The following IL23R variants were observed in gnomAD, a reference collection of about 807,000 sequenced individuals.
IL23R encodes interleukin-23 receptor.
A neutral mutation model predicts 56.9 loss-of-function variants in IL23R; 34 were observed. The ratio of observed to expected loss-of-function variants is 0.60; its 90% CI spans 0.45 to 0.80. The LOEUF (loss-of-function observed/expected upper bound fraction) is 0.80, where lower values mean the gene tolerates loss of function less well. IL23R is among the 30% of genes least tolerant of loss of function. The pLI, the probability that IL23R is intolerant of heterozygous loss-of-function variation, is 0.00. For synonymous variants in IL23R, 230 were observed against 249.2 expected (o/e 0.92, Z 0.73); for missense variants, 635 against 730.0 (o/e 0.87, Z 1.50).
intron 1 of IL23R, among the ~76,000 whole-genome samples, chr1:67,151,665 A>G (rs1264908542): frequency 1.3e-5 from 2 of 152,180 alleles, no homozygotes; most frequent in Non-Finnish European, 2.9e-5. Context: ...AATTTTCTGT[A>G]TATGGCTAGC....
rs74876961 is a variant in IL23R, at chr1:67,216,359, A to C, written c.799-3215A>C. ...TTACTATTATTATTATTATTTGTCT[A>C]ATGGTGTCCAACTTTAGTGACAGAG... On this transcript the variant is annotated intron_variant, in intron 6 of 10. Coordinates refer to ENST00000347310, the MANE Select transcript of IL23R (RefSeq NM_144701.3). 7.9e-3 allele frequency among the ~76,000 whole-genome samples: 1,208 copies of C among 152,254 alleles called. 9 individuals carry two copies. Among genetic ancestry groups the C allele is most frequent in the African/African-American group, 0.028 (1,171 of 41,534 alleles).
At chr1:67,210,416 T>A (rs1649374773) in intron 6 of IL23R, among the ~76,000 whole-genome samples, 1 of 152,098 alleles carries the variant, frequency 6.6e-6, no homozygotes, top group Non-Finnish European at 1.5e-5. Flanking sequence ...TTAGTCCAAA[T>A]AATTAAGAAA....
intron 6 of IL23R, among the ~76,000 whole-genome samples, chr1:67,218,145 A>T (rs912809613): frequency 6.6e-6 from 1 of 151,950 alleles, no homozygotes; most frequent in Non-Finnish European, 1.5e-5. Context: ...ATTACGTTTT[A>T]TAGCAGGGTG....
intron 9 of IL23R, among the ~76,000 whole-genome samples, chr1:67,241,728 A>G (rs898388283): frequency 1.3e-5 from 2 of 152,202 alleles, no homozygotes; most frequent in Admixed American, 1.3e-4. Context: ...CTTTGAGAGA[A>G]TACAGCATAC....
At chr1:67,150,042 C>T (rs1476785512) in intron 1 of IL23R, among the ~76,000 whole-genome samples, 1 of 152,116 alleles carries the variant, frequency 6.6e-6, no homozygotes, top group Admixed American at 6.5e-5. Context: ...TAGGAATTTT[C>T]TGGGCTCAAT....
chr1:67,258,566 C>G lies in IL23R; in HGVS notation c.1328C>G (p.Pro443Arg). ...MITEIKEIFI[P>R]EHKPTDYKKE... ...ACAGAGATAAAAGAAATCTTCATCCCAGAACACAAGCCTACAGACTACAAG... is the reference window on the plus strand; with the variant it reads ...ACAGAGATAAAAGAAATCTTCATCCGAGAACACAAGCCTACAGACTACAAG... The change falls in exon 11 of 11, where the codon CCA becomes CGA. Residue 443 changes from proline (P) to arginine (R), a missense_variant. Coordinates refer to ENST00000347310, the MANE Select transcript of IL23R (RefSeq NM_144701.3). 6.2e-7 allele frequency: 1 copy of G among 1,611,408 alleles called. No homozygotes were observed. Among genetic ancestry groups the G allele is most frequent in the East Asian group, 2.2e-5 (1 of 44,860 alleles).
intron 1 of IL23R, among the ~76,000 whole-genome samples, chr1:67,143,189 G>A (rs775805503): frequency 2.4e-4 from 37 of 152,078 alleles, no homozygotes; most frequent in Non-Finnish European, 3.1e-4. Context: ...TTTACAAGTG[G>A]CTAAGAAAAA....
At chr1:67,144,849 G>A (rs1440780490) in intron 1 of IL23R, among the ~76,000 whole-genome samples, 2 of 151,968 alleles carry the variant, frequency 1.3e-5, no homozygotes, top group African/African-American at 4.8e-5. Flanking sequence ...ATAATTCCTG[G>A]ATTAATATTT....
upstream of IL23R, among the ~76,000 whole-genome samples, chr1:67,162,233 A>T (rs1212689324): frequency 6.6e-6 from 1 of 151,884 alleles, no homozygotes; most frequent in Non-Finnish European, 1.5e-5. Context: ...TGGGAGGCCG[A>T]GGCAGACGGA....
downstream of IL23R, among the ~76,000 whole-genome samples, chr1:67,260,284 G>T (rs1653160816): frequency 6.6e-6 from 1 of 152,116 alleles, no homozygotes; most frequent in African/African-American, 2.4e-5. Context: ...CTGTGGCATA[G>T]TTGGGATATT....
At chr1:67,205,925 T>TTC (rs1553291077) in intron 5 of IL23R, among the ~76,000 whole-genome samples, 47 of 100,142 alleles carry the variant, frequency 4.7e-4, no homozygotes, top group African/African-American at 1.3e-3. Context: ...CTTTCTTTCT[T>TTC]TTTCTTTCTT....
At chr1:67,212,232 A>T (rs1445157703) in intron 6 of IL23R, among the ~76,000 whole-genome samples, 3 of 152,206 alleles carry the variant, frequency 2.0e-5, no homozygotes, top group Non-Finnish European at 2.9e-5. Context: ...TTCTATCCAG[A>T]TCACTCAAGC....
In IL23R at chr1:67,255,870, G is replaced by T; in HGVS notation, c.1182G>T (p.Lys394Asn). 6.3e-7 allele frequency: 1 copy of T among 1,596,334 alleles called. No individual in the cohort carries two copies. Among genetic ancestry groups the T allele is most frequent in the Non-Finnish European group, 8.6e-7 (1 of 1,164,074 alleles). ...IKRRILLLIP[K>N]WLYEDIPNMK... ...GAAGGATCTTATTGTTAATACCAAA[G>T]TGGCTTTATGAAGATATTCCTAATA... The change falls in exon 10 of 11, where the codon AAG becomes AAT. Residue 394 changes from lysine to asparagine, a missense_variant. Coordinates refer to ENST00000347310, the MANE Select transcript of IL23R (RefSeq NM_144701.3).
At chr1:67,230,843 T>C (rs111657694) in intron 7 of IL23R, among the ~76,000 whole-genome samples, 4 of 152,196 alleles carry the variant, frequency 2.6e-5, no homozygotes, top group Non-Finnish European at 4.4e-5. Context: ...ATTGACATAC[T>C]CAACTCTTTA....
At chr1:67,153,768 C>G (rs901175243) in intron 1 of IL23R, among the ~76,000 whole-genome samples, 1 of 129,472 alleles carries the variant, frequency 7.7e-6, no homozygotes, top group African/African-American at 3.0e-5. Flanking sequence ...GAGTGAGTTT[C>G]TTTTCTTTTT....
At chr1:67,249,305 T>C (rs1052753623) in intron 9 of IL23R, among the ~76,000 whole-genome samples, 28 of 152,260 alleles carry the variant, frequency 1.8e-4, no homozygotes, top group African/African-American at 6.3e-4. Context: ...ATTAGAAACC[T>C]GTATTCAAGA....
At chr1:67,143,445 A>G (rs192769681) in intron 1 of IL23R, among the ~76,000 whole-genome samples, 7 of 152,300 alleles carry the variant, frequency 4.6e-5, no homozygotes, top group Non-Finnish European at 7.4e-5. Flanking sequence ...GGAAAGATGA[A>G]ATGTCAATGC....
At chr1:67,219,232 G>A (rs896918894) in intron 6 of IL23R, among the ~76,000 whole-genome samples, 1 of 152,110 alleles carries the variant, frequency 6.6e-6, no homozygotes, top group African/African-American at 2.4e-5. Flanking sequence ...GCCAGGTGTT[G>A]TAGTGCATGA....
intron 6 of IL23R, among the ~76,000 whole-genome samples, chr1:67,209,368 CA>C (rs1261182360): frequency 2.6e-5 from 4 of 152,150 alleles, no homozygotes; most frequent in Non-Finnish European, 5.9e-5. Context: ...GTGCCCCCAT[CA>C]AATCTCAACT....
Sources: gnomAD v4.1 joint callset for allele counts (sites outside exome capture counted in the v4.1 genomes callset) on GRCh38, gnomAD v4.1.1 for gene constraint, MANE v1.5 for transcripts, NCBI Gene and HGNC (gene_info 2026-07-23, HGNC 2026-07-21) for gene names.